The following RREB1 variants were observed in gnomAD, a reference collection of about 807,000 sequenced individuals.
RREB1 encodes the protein ras responsive element binding protein 1, also known as ras-responsive element-binding protein 1.
A neutral mutation model predicts 117.8 loss-of-function variants in RREB1; 27 were observed. The observed-to-expected ratio is 0.23, with a 90% CI of 0.17 to 0.32. The LOEUF is 0.32. Ranked by LOEUF, RREB1 falls within the 10% of genes least tolerant of loss-of-function variation. RREB1 has a pLI of 1.00. For missense variants in RREB1, 2,577 were observed against 2,378.2 expected, an observed-to-expected ratio of 1.08 and a Z score of -1.74; for synonymous variants, 1,298 against 1,026.7, an observed-to-expected ratio of 1.26 and a Z score of -5.05.
chr6:7,160,238 G>T (rs1005374975), intron 1 of RREB1, among the ~76,000 whole-genome samples: 2 of 151,810 alleles, frequency 1.3e-5, no homozygotes, highest in African/African-American at 4.8e-5. Flanking sequence ...TTTAGACACA[G>T]GGGTCTTGCT....
intron 1 of RREB1, among the ~76,000 whole-genome samples, chr6:7,121,477 C>T (rs548795389): frequency 3.8e-4 from 58 of 152,222 alleles, no homozygotes; most frequent in African/African-American, 1.3e-3. Flanking sequence ...AGTGGTCACC[C>T]GATGCCCTTA....
chr6:7,135,044 T>G (rs768414668), intron 1 of RREB1, among the ~76,000 whole-genome samples: 11 of 152,220 alleles, frequency 7.2e-5, no homozygotes, highest in Non-Finnish European at 1.3e-4. Flanking sequence ...TTAATGACTC[T>G]CCCTTGGCCC....
rs116483452 is a variant in RREB1 at position 7,229,071 on chromosome 6, G to A, written c.972G>A (p.Ala324=). Residue 324 remains alanine, a synonymous_variant, in exon 10 of 13, where the codon GCG becomes GCA. Coordinates refer to ENST00000379938, the MANE Select transcript of RREB1 (RefSeq NM_001003699.4). This position sits in a 1 kb window ranked among gnomAD's most constrained non-coding sequence, Gnocchi z 4.5. ...TTGTCTGCGACACCTGTGACAAGGC[G>A]TTCCCCATGCTCTGCTCACTGGCTC... ...HRFVCDTCDK[A]FPMLCSLALH... The A allele has an allele frequency of 9.8e-5, 154 of 1,573,308 alleles. No homozygotes were observed. The East Asian group carries it at 2.1e-3, about 21-fold the overall frequency.
rs116595897 is a variant in RREB1 at position 7,124,677 on chromosome 6, A to T, written c.-285+16617A>T. Among the ~76,000 whole-genome samples, 264 of 152,378 alleles carry T rather than the reference A, an allele frequency of 1.7e-3. 2 individuals are homozygous for T. The highest frequency in any genetic ancestry group is 6.0e-3 in the African/African-American group (251 of 41,594). On this transcript the variant is annotated intron_variant, in intron 1 of 12. Transcript: ENST00000379938. ...CTTTTCATGTAGAAATACTCCCAGCATGGTGGCAGTAGAAGCAGCAGTCAT... is the reference window on the plus strand; with the variant it reads ...CTTTTCATGTAGAAATACTCCCAGCTTGGTGGCAGTAGAAGCAGCAGTCAT...
rs529301441 is a variant in RREB1 at position 7,180,326 on chromosome 6, C to A, written c.-165-798C>A. Among the ~76,000 whole-genome samples, 7 of 152,158 alleles carry A rather than the reference C, an allele frequency of 4.6e-5. No homozygotes were observed. The South Asian group carries it at 8.3e-4, about 18-fold the overall frequency. On this transcript the variant is annotated intron_variant, in intron 2 of 12. Transcript: ENST00000379938. Reference sequence around the variant, plus strand: ...CCATTTCTCATATGCTAGGTCATATCCCCTAAAGTTGGAGGAGGAAGCCAT... The same window carrying A: ...CCATTTCTCATATGCTAGGTCATATACCCTAAAGTTGGAGGAGGAAGCCAT...
At chr6:7,120,018 G>A (rs1410171938) in intron 1 of RREB1, among the ~76,000 whole-genome samples, 2 of 152,082 alleles carry the variant, frequency 1.3e-5, no homozygotes, top group East Asian at 1.9e-4. Context: ...CTCTGACAGT[G>A]AAACGCTGGA....
intron 8 of RREB1, chr6:7,219,123 A>AT (rs1767089834): frequency 9.1e-6 from 1 of 109,672 alleles, no homozygotes; most frequent in Non-Finnish European, 1.8e-5. Flanking sequence ...AAAAAAAAAA[A>AT]GCCAGGCACG....
chr6:7,174,235 C>A (rs1764387316), intron 1 of RREB1, among the ~76,000 whole-genome samples: 1 of 143,750 alleles, frequency 7.0e-6, no homozygotes, highest in Admixed American at 7.0e-5. Context: ...TTGTACTTTT[C>A]CGCTCTTCAA....
intron 1 of RREB1, among the ~76,000 whole-genome samples, chr6:7,147,962 A>G (rs117438872): frequency 2.7e-4 from 41 of 152,312 alleles, no homozygotes; most frequent in East Asian, 2.3e-3. Flanking sequence ...TGGATTGCCA[A>G]TTACCATTGT....
chr6:7,155,338 G>C (rs1042362633), intron 1 of RREB1, among the ~76,000 whole-genome samples: 3 of 152,198 alleles, frequency 2.0e-5, no homozygotes, highest in Admixed American at 2.0e-4. Flanking sequence ...ACAGAGCTTT[G>C]CTCTGTTGCC....
chr6:7,131,096 G>A (rs1330729682), intron 1 of RREB1, among the ~76,000 whole-genome samples: 1 of 151,100 alleles, frequency 6.6e-6, no homozygotes, highest in Admixed American at 6.6e-5. Context: ...CCGCCACTGC[G>A]CCCGGCTAAT....
At chr6:7,238,954 C>T (rs963085725) in intron 10 of RREB1, among the ~76,000 whole-genome samples, 1 of 152,190 alleles carries the variant, frequency 6.6e-6, no homozygotes, top group African/African-American at 2.4e-5. Context: ...CAGGTCCACA[C>T]CTTCAGGCTC....
chr6:7,165,127 T>TA (rs765637759), intron 1 of RREB1, among the ~76,000 whole-genome samples: 33 of 152,214 alleles, frequency 2.2e-4, no homozygotes, highest in Non-Finnish European at 4.0e-4. Context: ...TGAAGGCTGT[T>TA]AGAGTTGGAG....
At chr6:7,108,235 C>A (rs1047445288) in intron 1 of RREB1, among the ~76,000 whole-genome samples, 175 bp downstream of exon 1, 2 of 152,074 alleles carry the variant, frequency 1.3e-5, no homozygotes, top group African/African-American at 4.8e-5. Context: ...ACGCCCCACT[C>A]CGCGCAGCGT....
At chr6:7,237,785 T>C (rs1276193796) in intron 10 of RREB1, among the ~76,000 whole-genome samples, 1 of 152,248 alleles carries the variant, frequency 6.6e-6, no homozygotes, top group Non-Finnish European at 1.5e-5. Context: ...AGCCCACCAC[T>C]ATGTAAAAAT....
chr6:7,222,932 A>G (rs934676181), intron 8 of RREB1, among the ~76,000 whole-genome samples: 4 of 152,138 alleles, frequency 2.6e-5, no homozygotes, highest in Non-Finnish European at 4.4e-5. Context: ...TTCATAACCA[A>G]TAGGCTGTGC....
intron 8 of RREB1, chr6:7,215,285 A>G (rs1408614961): frequency 1.3e-5 from 2 of 152,268 alleles, no homozygotes; most frequent in African/African-American, 4.8e-5. Context: ...CAGCCCGGCC[A>G]GCAAGAGAAT....
chr6:7,200,594 T>G (rs1203948368), intron 6 of RREB1, among the ~76,000 whole-genome samples: 1 of 152,184 alleles, frequency 6.6e-6, no homozygotes, highest in Non-Finnish European at 1.5e-5. Context: ...AAGAAATATT[T>G]GAAAAACCTC....
In RREB1 at chr6:7,190,410, A is replaced by G. The variant is rs555374168; in HGVS notation, c.425+1088A>G. Among the ~76,000 whole-genome samples, 22 of 152,366 alleles carry G rather than the reference A, an allele frequency of 1.4e-4. No individual in the cohort carries two copies. In the East Asian group the frequency reaches 3.5e-3, roughly 24 times the overall value. On this transcript the variant is annotated intron_variant, in intron 6 of 12. Transcript: ENST00000379938. ...TAGTTTAGCACACAGTTCCTGGCACAAACTAAGCACTCAGTGTTTATTATT... is the reference window on the plus strand; with the variant it reads ...TAGTTTAGCACACAGTTCCTGGCACGAACTAAGCACTCAGTGTTTATTATT...
Sources: allele counts gnomAD v4.1 joint callset (sites outside exome capture counted in the v4.1 genomes callset), GRCh38; gene constraint gnomAD v4.1.1; non-coding constraint Gnocchi (gnomAD v3.1); transcripts MANE v1.5; gene names NCBI Gene and HGNC (gene_info 2026-07-23, HGNC 2026-07-21).